Variants in PIP4K2A observed in about 807,000 individuals in gnomAD.
PIP4K2A encodes phosphatidylinositol-5-phosphate 4-kinase type 2 alpha, also known as phosphatidylinositol 5-phosphate 4-kinase type-2 alpha.
In PIP4K2A, 14 loss-of-function variants were observed where a neutral mutation model predicts 42.9. The ratio of observed to expected loss-of-function variants is 0.33; its 90% CI spans 0.22 to 0.51. The LOEUF is 0.51. Ranked by LOEUF, PIP4K2A falls within the 20% of genes least tolerant of loss-of-function variation. The pLI, the probability that PIP4K2A is intolerant of heterozygous loss-of-function variation, is 0.97. For missense variants in PIP4K2A, 434 were observed against 519.8 expected (o/e 0.83, Z 1.61); for synonymous variants, 192 against 192.2 (o/e 1.00, Z 0.01).
chr10:22,634,689 T>C (rs1838623968), intron 1 of PIP4K2A, among the ~76,000 whole-genome samples: 1 of 152,188 alleles, frequency 6.6e-6, no homozygotes, highest in African/African-American at 2.4e-5. Flanking sequence ...TCCCTCTCCA[T>C]AGCAGAGGTG....
intron 1 of PIP4K2A, among the ~76,000 whole-genome samples, chr10:22,610,617 C>T (rs1415216166): frequency 6.6e-6 from 1 of 152,136 alleles, no homozygotes; most frequent in African/African-American, 2.4e-5. Context: ...GGTTCACAGA[C>T]AGTAGAGGCA....
intron 9 of PIP4K2A, among the ~76,000 whole-genome samples, chr10:22,538,642 T>C (rs887199541): frequency 1.3e-5 from 2 of 152,188 alleles, no homozygotes; most frequent in Admixed American, 6.5e-5. Flanking sequence ...AGAATGACCA[T>C]GGAGTCTTCT....
At chr10:22,636,082 T>A (rs1838657046) in intron 1 of PIP4K2A, among the ~76,000 whole-genome samples, 1 of 151,932 alleles carries the variant, frequency 6.6e-6, no homozygotes, top group South Asian at 2.1e-4. Flanking sequence ...CACAAAGGGA[T>A]TCAGAGAGAA....
chr10:22,673,427 C>T (rs7071198), intron 1 of PIP4K2A, among the ~76,000 whole-genome samples: 17,671 of 152,178 alleles, frequency 0.12, 1,139 homozygotes, highest in Middle Eastern at 0.22. Flanking sequence ...AGACCTAGAA[C>T]TAGAACCAGG....
chr10:22,568,995 T>C (rs1836915574), intron 5 of PIP4K2A: 9 of 1,526,474 alleles, frequency 5.9e-6, no homozygotes, highest in Non-Finnish European at 7.9e-6. Flanking sequence ...GAGTTAGCCA[T>C]TCATTAAATG....
At chr10:22,665,532 C>G (rs1050870881) in intron 1 of PIP4K2A, among the ~76,000 whole-genome samples, 19 of 151,892 alleles carry the variant, frequency 1.3e-4, no homozygotes, top group African/African-American at 4.6e-4. Context: ...GCCTCAACCT[C>G]CTGGGCTCAA....
At chr10:22,692,331 C>T (rs1042852748) in intron 1 of PIP4K2A, among the ~76,000 whole-genome samples, 38 of 152,068 alleles carry the variant, frequency 2.5e-4, no homozygotes, top group Non-Finnish European at 3.2e-4. Flanking sequence ...CAATGGGGAG[C>T]GGCTGTAAAT....
In PIP4K2A at chr10:22,647,724, G is replaced by A. The variant is rs145564908; in HGVS notation, c.145-38007C>T. On this transcript the variant is annotated intron_variant, in intron 1 of 9. Coordinates refer to ENST00000376573, the MANE Select transcript of PIP4K2A (RefSeq NM_005028.5). ...AAGGTCACAGAAGACAGGATTGTGG[G>A]GACTTTCTTCACATCAGGTCCACTG... Among the ~76,000 whole-genome samples the A allele has an allele frequency of 5.6e-4, 86 of 152,280 alleles. 1 individual carries two copies. Among genetic ancestry groups the A allele is most frequent in the African/African-American group, 1.9e-3 (78 of 41,544 alleles).
chr10:22,598,183 C>T (rs889132099), intron 3 of PIP4K2A, among the ~76,000 whole-genome samples: 2 of 152,106 alleles, frequency 1.3e-5, no homozygotes, highest in African/African-American at 4.8e-5. Context: ...CATAGTAAGG[C>T]TCTGTGTCTA....
intron 3 of PIP4K2A, among the ~76,000 whole-genome samples, chr10:22,598,335 T>C (rs1490352083): frequency 1.3e-5 from 2 of 152,158 alleles, no homozygotes; most frequent in Non-Finnish European, 2.9e-5. Context: ...TCCAGCCTAG[T>C]TGACAGACAG....
chr10:22,680,443 C>G (rs1206151816), intron 1 of PIP4K2A, among the ~76,000 whole-genome samples: 1 of 152,080 alleles, frequency 6.6e-6, no homozygotes, highest in Non-Finnish European at 1.5e-5. Context: ...ATAAAAATAG[C>G]ATTTAATGTC....
chr10:22,647,425 G>A (rs867955472), intron 1 of PIP4K2A, among the ~76,000 whole-genome samples: 3 of 152,124 alleles, frequency 2.0e-5, no homozygotes, highest in Non-Finnish European at 2.9e-5. Context: ...ACCAGAGGAG[G>A]AGGCAGGGAA....
At chr10:22,610,325 A>G (rs904786172) in intron 1 of PIP4K2A, among the ~76,000 whole-genome samples, 10 of 152,254 alleles carry the variant, frequency 6.6e-5, no homozygotes, top group Admixed American at 6.5e-4. Context: ...GAACAAAAGC[A>G]AAGATGTGTT....
intron 1 of PIP4K2A, among the ~76,000 whole-genome samples, chr10:22,635,151 C>T (rs1026079907): frequency 6.6e-6 from 1 of 152,064 alleles, no homozygotes; most frequent in Non-Finnish European, 1.5e-5. Flanking sequence ...CTGTATCATA[C>T]TATTAATATA....
chr10:22,544,469 T>C (rs545880751), intron 7 of PIP4K2A, among the ~76,000 whole-genome samples: 98 of 152,234 alleles, frequency 6.4e-4, no homozygotes, highest in African/African-American at 2.2e-3. Flanking sequence ...GCTCCCTAGA[T>C]CTACGGCTTC....
chr10:22,656,694 G>A (rs1359845863), intron 1 of PIP4K2A, among the ~76,000 whole-genome samples: 1 of 151,948 alleles, frequency 6.6e-6, no homozygotes, highest in Non-Finnish European at 1.5e-5. Context: ...CTATTCAGGA[G>A]GCTGAGGCAG....
intron 8 of PIP4K2A, among the ~76,000 whole-genome samples, chr10:22,540,581 G>C (rs865782413): frequency 2.0e-5 from 3 of 152,084 alleles, no homozygotes; most frequent in Admixed American, 6.6e-5. Flanking sequence ...TTTTGAGACA[G>C]AGTTTTGTTC....
intron 1 of PIP4K2A, among the ~76,000 whole-genome samples, chr10:22,682,097 C>T (rs1295259984): frequency 6.6e-6 from 1 of 152,160 alleles, no homozygotes; most frequent in Non-Finnish European, 1.5e-5. Context: ...TCTGCCAACT[C>T]CTGTGCTATA....
At chr10:22,661,519 C>T (rs1254956368) in intron 1 of PIP4K2A, among the ~76,000 whole-genome samples, 1 of 151,900 alleles carries the variant, frequency 6.6e-6, no homozygotes, top group Non-Finnish European at 1.5e-5. Flanking sequence ...CTGTGCCAGG[C>T]TAAGTTTTAA....
Sources: gnomAD v4.1 joint callset for allele counts (sites outside exome capture counted in the v4.1 genomes callset) on GRCh38, gnomAD v4.1.1 for gene constraint, MANE v1.5 for transcripts, NCBI Gene and HGNC (gene_info 2026-07-23, HGNC 2026-07-21) for gene names.